Variants in LRP2 observed in about 807,000 individuals in gnomAD.
LRP2 encodes the protein low-density lipoprotein receptor-related protein 2.
LRP2 carries 172 observed loss-of-function variants against 531.0 expected under a neutral mutation model. The ratio of observed to expected loss-of-function variants is 0.32; its 90% CI spans 0.29 to 0.37. LRP2 has a LOEUF of 0.37. LRP2 is among the 10% of genes least tolerant of loss of function. The probability of loss-of-function intolerance (pLI) is 1.00; values close to 1 mark genes in which losing one functional copy is unlikely to be tolerated. For synonymous variants in LRP2, 1,992 were observed against 2,027.6 expected (o/e 0.98, Z 0.47); for missense variants, 5,167 against 5,868.3 (o/e 0.88, Z 3.90).
intron 50 of LRP2, 159 bp from the exon 51 acceptor site, chr2:169,182,478 T>G: frequency 1.3e-6 from 2 of 1,526,480 alleles, no homozygotes; most frequent in African/African-American, 1.4e-5. Flanking sequence ...AGGAAGTTTG[T>G]CTTCCTGCAG....
intron 1 of LRP2, among the ~76,000 whole-genome samples, chr2:169,335,266 G>A (rs1184839549): frequency 6.6e-6 from 1 of 152,246 alleles, no homozygotes; most frequent in Non-Finnish European, 1.5e-5. Context: ...TATTTCAGGT[G>A]ATCCTCTGGA....
At position 169,165,780 on chromosome 2, in the gene LRP2, T is replaced by A. The variant is rs1686759184; in HGVS notation, c.11758+152A>T. On this transcript the variant is annotated intron_variant, in intron 62 of 78. Transcript: ENST00000649046. ...GGGTTACATGTAAGCAATGCATGTG[T>A]TTGCATGGTCTTGTAAACAATTATG... 7.5e-6 allele frequency: 7 copies of A among 928,890 alleles called. No homozygotes were observed. The Admixed American group carries it at 1.2e-4, about 16-fold the overall frequency. 57.5% of individuals were successfully genotyped at this position (928,890 alleles called of 1,614,324 possible). A position where few individuals can be genotyped will look rare whatever the true frequency, so the allele number is the denominator to read the frequency against.
intron 9 of LRP2, among the ~76,000 whole-genome samples, chr2:169,286,826 G>A (rs532840204): frequency 9.2e-5 from 14 of 152,294 alleles, no homozygotes; most frequent in African/African-American, 3.1e-4. Flanking sequence ...TCCTCTTTGG[G>A]AGTTGATAAA....
intron 65 of LRP2, among the ~76,000 whole-genome samples, chr2:169,155,041 G>T (rs1048253091): frequency 6.6e-6 from 1 of 152,136 alleles, no homozygotes; most frequent in African/African-American, 2.4e-5. Flanking sequence ...TTTCCTGACA[G>T]ATTTTATGAT....
At position 169,223,544 on chromosome 2, in the gene LRP2, G is replaced by A. The variant is rs72876249; in HGVS notation, c.5538+1766C>T. 3.0e-3 allele frequency among the ~76,000 whole-genome samples: 454 copies of A among 152,284 alleles called. 1 individual carries two copies. Among genetic ancestry groups the A allele is most frequent in the Non-Finnish European group, 5.2e-3 (357 of 68,018 alleles). ...GTTTAATGGGAGGATGATAGTCTTAGTTGAAATCATGAAAAATATTTTCTG... is the reference window on the plus strand; with the variant it reads ...GTTTAATGGGAGGATGATAGTCTTAATTGAAATCATGAAAAATATTTTCTG... On this transcript the variant is annotated intron_variant, in intron 33 of 78. Transcript: ENST00000649046.
chr2:169,191,746 T>G, intron 48 of LRP2, 86 bp downstream of exon 48: 1 of 1,121,170 alleles, frequency 8.9e-7, no homozygotes, highest in Non-Finnish European at 1.4e-6. Flanking sequence ...CTGGGCACTG[T>G]GGCCACGGGG....
At chr2:169,158,253 C>G (rs985137884) in intron 63 of LRP2, among the ~76,000 whole-genome samples, 1 of 151,944 alleles carries the variant, frequency 6.6e-6, no homozygotes, top group Non-Finnish European at 1.5e-5. Flanking sequence ...TATTCATACT[C>G]TTTTACCCAG....
At chr2:169,179,809 C>T (rs939273152) in intron 52 of LRP2, among the ~76,000 whole-genome samples, 4 of 110,680 alleles carry the variant, frequency 3.6e-5, no homozygotes, top group African/African-American at 8.5e-5. Flanking sequence ...ATTGCATGCT[C>T]TATAAAAATC....
chr2:169,206,690 T>C lies in LRP2; in HGVS notation c.7030A>G (p.Asn2344Asp). The C allele has an allele frequency of 6.2e-7, 1 of 1,614,046 alleles. No homozygotes were observed. The highest frequency in any genetic ancestry group is 8.5e-7 in the Non-Finnish European group (1 of 1,180,004). Residue 2344 changes from asparagine to aspartate, a missense_variant, in exon 39 of 79, where the codon AAC (asparagine) becomes GAC (aspartate). This residue lies in a region of LRP2 where 2,811 missense variants were observed against 3,058.0 expected (regional missense o/e 0.92). Coordinates refer to ENST00000649046, the MANE Select transcript of LRP2 (RefSeq NM_004525.3). ...QPRSPAEVNN[N>D]PCLENNGGCS... ...CCACCATTGTTTTCCAAGCAAGGGT[T>C]GTTGTTGACCTCTGCTGGTGACCGG...
intron 51 of LRP2, 21 bp from the exon 52 acceptor site, chr2:169,181,639 G>A: frequency 6.2e-7 from 1 of 1,613,442 alleles, no homozygotes; most frequent in Non-Finnish European, 8.5e-7. Context: ...AAACACAAAG[G>A]GTCAGTCCCT....
intron 68 of LRP2, among the ~76,000 whole-genome samples, chr2:169,149,826 A>T (rs940485142): frequency 1.3e-5 from 2 of 151,236 alleles, no homozygotes; most frequent in Admixed American, 6.6e-5. Context: ...ACAGAGCAAC[A>T]CTCCATCTCC....
chr2:169,346,240 G>C (rs1483822010), intron 1 of LRP2, among the ~76,000 whole-genome samples: 1 of 152,092 alleles, frequency 6.6e-6, no homozygotes, highest in Non-Finnish European at 1.5e-5. Context: ...CTGCACTGTT[G>C]GGTTTAATTA....
chr2:169,160,685 A>AAAAAAAAAAAAAAC (rs970862922), intron 63 of LRP2, among the ~76,000 whole-genome samples: 1 of 94,232 alleles, frequency 1.1e-5, no homozygotes, highest in Non-Finnish European at 2.2e-5. Context: ...ATTTCCTTAA[A>AAAAAAAAAAAAAAC]AAAAAAAAAA....
At chr2:169,281,857 T>C (rs1683713580) in intron 10 of LRP2, among the ~76,000 whole-genome samples, 1 of 152,114 alleles carries the variant, frequency 6.6e-6, no homozygotes, top group African/African-American at 2.4e-5. Flanking sequence ...TACTACCATA[T>C]ATAGATATGT....
intron 1 of LRP2, among the ~76,000 whole-genome samples, chr2:169,321,807 C>T (rs1227809465): frequency 6.6e-6 from 1 of 151,966 alleles, no homozygotes; most frequent in East Asian, 1.9e-4. Flanking sequence ...AAGTTGACAC[C>T]CCAAGTGGCA....
chr2:169,361,358 C>CTGTG (rs762734016), intron 1 of LRP2, among the ~76,000 whole-genome samples: 1 of 127,522 alleles, frequency 7.8e-6, no homozygotes, highest in South Asian at 2.8e-4. Flanking sequence ...CTGTCTCTCT[C>CTGTG]TCTCTCTCTC....
At chr2:169,177,752 C>T in intron 53 of LRP2, 51 bp downstream of exon 53, 1 of 1,422,490 alleles carries the variant, frequency 7.0e-7, no homozygotes, top group Non-Finnish European at 9.9e-7. Flanking sequence ...ACAATCATGA[C>T]ATGCACATAA....
At chr2:169,358,080 G>A (rs77125839) in intron 1 of LRP2, among the ~76,000 whole-genome samples, 3,654 of 152,268 alleles carry the variant, frequency 0.024, 52 homozygotes, top group Middle Eastern at 0.034. Context: ...TTTGGCCAGG[G>A]ACAGGTAACC....
rs1689410428 is a variant in LRP2, at chr2:169,231,697, T to G, written c.5227+17A>C. 17 of 1,613,608 alleles carry G rather than the reference T, an allele frequency of 1.1e-5. No individual in the cohort carries two copies. The highest frequency in any genetic ancestry group is 2.7e-5 in the African/African-American group (2 of 74,984). ...ACCAGCTCCATCTTCAGAGCTCACA[T>G]AAGGAGCATACTATACCTCTCAAGC... On this transcript the variant is annotated intron_variant, in intron 31 of 78. Transcript: ENST00000649046.
Sources: allele counts gnomAD v4.1 joint callset (sites outside exome capture counted in the v4.1 genomes callset), GRCh38; gene constraint gnomAD v4.1.1; regional missense constraint gnomAD v4.1.1; transcripts MANE v1.5; gene names NCBI Gene and HGNC (gene_info 2026-07-23, HGNC 2026-07-21).